NUB1: variants seen among roughly 807,000 people sequenced by gnomAD.
NUB1 encodes NEDD8 ultimate buster 1.
A neutral mutation model predicts 77.1 loss-of-function variants in NUB1; 41 were observed. That is an observed-to-expected ratio of 0.53 (90% CI 0.41 to 0.69). NUB1 has a LOEUF of 0.69. Among genes scored for constraint, NUB1 ranks in the 30% least tolerant of loss-of-function variants. The pLI is 0.00. For missense variants in NUB1, 643 were observed against 743.8 expected (o/e 0.86, Z 1.58); for synonymous variants, 257 against 281.0 (o/e 0.91, Z 0.85).
At chr7:151,349,380 T>G in intron 3 of NUB1, 140 bp downstream of exon 3, 1 of 734,310 alleles carries the variant, frequency 1.4e-6, no homozygotes, top group Admixed American at 2.9e-5. Context: ...TTTATCAGCT[T>G]GAAAGTCAAT....
Position 151,355,843 on chromosome 7 carries a change from A to G in NUB1, c.491A>G (p.Asp164Gly). 1 of 1,612,628 alleles carries G rather than the reference A, an allele frequency of 6.2e-7. No individual in the cohort carries two copies. Among genetic ancestry groups the G allele is most frequent in the South Asian group, 1.1e-5 (1 of 90,774 alleles). The change falls in exon 6 of 15, where the codon GAC (aspartate) becomes GGC (glycine). Residue 164 changes from aspartate to glycine, a missense_variant. Transcript: ENST00000568733. Reference protein sequence around the residue: ...MVLELKQSEEDARKNFQLEEE... With the variant: ...MVLELKQSEEGARKNFQLEEE... ...CTTGAACTAAAACAATCTGAAGAGG[A>G]CGCGAGGAAAAACTTCCAGTTAGAG...
chr7:151,349,058 G>A lies in NUB1; in HGVS notation c.118-15G>A. ...TTTTTAAGTCAGTATTGCATTTTCTGATTTTTCTTGATAGGACCTTGCTAA... is the reference window on the plus strand; with the variant it reads ...TTTTTAAGTCAGTATTGCATTTTCTAATTTTTCTTGATAGGACCTTGCTAA... On this transcript the variant is annotated splice_polypyrimidine_tract_variant and intron_variant, in intron 2 of 14. Transcript: ENST00000568733. 1 of 1,586,124 alleles carries A rather than the reference G, an allele frequency of 6.3e-7. No homozygotes were observed. The highest frequency in any genetic ancestry group is 2.3e-5 in the East Asian group (1 of 44,398).
At position 151,374,147 on chromosome 7, in the gene NUB1, C is replaced by A. The variant is rs754174937; in HGVS notation, c.1299C>A (p.Leu433=). 8.3e-6 allele frequency: 13 copies of A among 1,575,520 alleles called. No homozygotes were observed. Among genetic ancestry groups the A allele is most frequent in the Non-Finnish European group, 1.0e-5 (12 of 1,161,096 alleles). ...AAAAAGAGAAGAAAAGACGCCGCCT[C>A]GAGAACATCAGGTTTCTGAAAGGGA... ...KEEKEKKRRR[L]ENIRFLKGMG... is the part of the protein sequence containing the mutation. The change falls in exon 12 of 15, where the codon CTC becomes CTA. Residue 433 remains leucine, a synonymous_variant. Transcript: ENST00000568733.
Position 151,360,468 on chromosome 7 carries a change from C to T in NUB1, c.800+221C>T, listed in dbSNP as rs151120280. 583 of 458,516 alleles carry T rather than the reference C, an allele frequency of 1.3e-3. 3 individuals carry two copies. Among genetic ancestry groups the T allele is most frequent in the East Asian group, 0.011 (345 of 31,024 alleles). The allele number at this position is 458,516 out of a possible 1,614,324, so 28.4% of individuals were successfully genotyped here. ...AGAATTTTCAAGCAGGTAGGATATC[C>T]TCTCTTCTTCTGTACATGTGCTATG... On this transcript the variant is annotated intron_variant, in intron 8 of 14. Coordinates refer to ENST00000568733, the MANE Select transcript of NUB1 (RefSeq NM_001243351.2).
At chr7:151,343,518 G>A (rs556848882) in intron 1 of NUB1, among the ~76,000 whole-genome samples, 2 of 152,222 alleles carry the variant, frequency 1.3e-5, no homozygotes, top group African/African-American at 2.4e-5. Flanking sequence ...TCTAGAACTT[G>A]TCTTCATCAT....
intron 10 of NUB1, 93 bp from the exon 11 acceptor site, chr7:151,368,642 T>C (rs1180689817): frequency 3.6e-6 from 5 of 1,395,884 alleles, no homozygotes; most frequent in South Asian, 1.5e-5. Flanking sequence ...TTAATTCACA[T>C]TGGATACAAT....
intron 1 of NUB1, among the ~76,000 whole-genome samples, chr7:151,342,220 C>T (rs1289838992): frequency 6.6e-6 from 1 of 152,198 alleles, no homozygotes; most frequent in East Asian, 1.9e-4. Context: ...TATTTGCAAT[C>T]AAAGCCAGAT....
intron 4 of NUB1, chr7:151,351,993 C>A: frequency 4.7e-6 from 2 of 425,050 alleles, no homozygotes; most frequent in South Asian, 1.7e-5. Flanking sequence ...ATTTCATCTC[C>A]TTGTATGTTT....
chr7:151,344,304 AT>A (rs1167068015), intron 1 of NUB1, among the ~76,000 whole-genome samples: 1 of 150,596 alleles, frequency 6.6e-6, no homozygotes, highest in African/African-American at 2.4e-5. Flanking sequence ...GACATAGAAA[AT>A]ATTTATATAT....
chr7:151,351,561 C>T, intron 4 of NUB1, 79 bp downstream of exon 4: 3 of 1,008,692 alleles, frequency 3.0e-6, no homozygotes, highest in Non-Finnish European at 4.5e-6. Context: ...TGAGCGTCCT[C>T]TTAAGATAGG....
chr7:151,373,723 C>T (rs755709114), intron 11 of NUB1, among the ~76,000 whole-genome samples: 12 of 152,348 alleles, frequency 7.9e-5, no homozygotes, highest in Admixed American at 3.9e-4. Flanking sequence ...CTCTCCTACC[C>T]GGTTCCTACC....
intron 7 of NUB1, among the ~76,000 whole-genome samples, chr7:151,359,691 C>T (rs926372549): frequency 3.3e-5 from 5 of 151,520 alleles, no homozygotes; most frequent in Non-Finnish European, 5.9e-5. Flanking sequence ...GCAGGAGAAT[C>T]GCTTGAACCC....
Position 151,378,317 on chromosome 7 carries a change from T to C in NUB1, c.*1092T>C, listed in dbSNP as rs1798406893. ...CACTGACTGAAGACAGGATGGATCA[T>C]GCGGAGCCGGCTGAAATGCTCCAAC... On this transcript the variant is annotated 3_prime_UTR_variant, in exon 15 of 15. Coordinates refer to ENST00000568733, the MANE Select transcript of NUB1 (RefSeq NM_001243351.2). The C allele has an allele frequency of 6.6e-6, 1 of 152,240 alleles. No homozygotes were observed. Among genetic ancestry groups the C allele is most frequent in the Non-Finnish European group, 1.5e-5 (1 of 68,052 alleles). 9.4% of individuals were successfully genotyped at this position (152,240 alleles called of 1,614,324 possible).
intron 12 of NUB1, among the ~76,000 whole-genome samples, chr7:151,375,022 G>A (rs144551435): frequency 0.016 from 2,461 of 150,884 alleles, 85 homozygotes; most frequent in African/African-American, 0.057. Context: ...CTGGGGGCGG[G>A]GCTGGGGGGA....
At chr7:151,351,535 C>A in intron 4 of NUB1, 53 bp downstream of exon 4, 1 of 1,279,598 alleles carries the variant, frequency 7.8e-7, no homozygotes, top group Non-Finnish European at 1.1e-6. Flanking sequence ...TTTACATTGG[C>A]TTATTTGATC....
chr7:151,378,293 A>G lies in NUB1; in HGVS notation c.*1068A>G, dbSNP rs1419760202. 6.6e-6 allele frequency: 1 copy of G among 152,240 alleles called. No homozygotes were observed. The highest frequency in any genetic ancestry group is 1.5e-5 in the Non-Finnish European group (1 of 68,062). 9.4% of individuals were successfully genotyped at this position (152,240 alleles called of 1,614,324 possible). A position where few individuals can be genotyped will look rare whatever the true frequency, so the allele number is the denominator to read the frequency against. On this transcript the variant is annotated 3_prime_UTR_variant, in exon 15 of 15. Coordinates refer to ENST00000568733, the MANE Select transcript of NUB1 (RefSeq NM_001243351.2). ...AGACTTTCCCTCCCTTCCAGAAGGC[A>G]CTGACTGAAGACAGGATGGATCATG... is the stretch of plus-strand genomic sequence containing the variant.
At chr7:151,370,507 ATTATTT>A (rs1242069528) in intron 11 of NUB1, among the ~76,000 whole-genome samples, 2 of 151,896 alleles carry the variant, frequency 1.3e-5, no homozygotes, top group African/African-American at 2.4e-5. Context: ...GTAAGAATTT[ATTATTT>A]TTATTTTTAT....
intron 1 of NUB1, among the ~76,000 whole-genome samples, chr7:151,344,038 G>T (rs1373232155): frequency 6.6e-6 from 1 of 151,042 alleles, no homozygotes; most frequent in Non-Finnish European, 1.5e-5. Flanking sequence ...AAAATCAGCC[G>T]GGCGTGGTGG....
chr7:151,374,121 G>C lies in NUB1; in HGVS notation c.1273G>C (p.Glu425Gln). 6.4e-7 allele frequency: 1 copy of C among 1,565,782 alleles called. No homozygotes were observed. Among genetic ancestry groups the C allele is most frequent in the Non-Finnish European group, 8.7e-7 (1 of 1,155,710 alleles). ...GGAACTGGCCCAAATAAGGAAGGAG[G>C]AAAAAGAGAAGAAAAGACGCCGCCT... is the stretch of plus-strand genomic sequence containing the variant. ...REELAQIRKEEKEKKRRRLEN... is the reference protein window; with the variant it reads ...REELAQIRKEQKEKKRRRLEN... The change falls in exon 12 of 15, where the codon GAA becomes CAA. Residue 425 changes from glutamate (E) to glutamine (Q), a missense_variant. Glu to Gln is a conservative substitution (Grantham distance 29, BLOSUM62 2). Transcript: ENST00000568733.
Sources: gnomAD v4.1 joint callset for allele counts (sites outside exome capture counted in the v4.1 genomes callset) on GRCh38, gnomAD v4.1.1 for gene constraint, MANE v1.5 for transcripts, NCBI Gene and HGNC (gene_info 2026-07-23, HGNC 2026-07-21) for gene names.